NTM: variants seen among roughly 807,000 people sequenced by gnomAD.
The protein encoded by NTM is IgLON family member 2.
A neutral mutation model predicts 42.1 loss-of-function variants in NTM; 13 were observed. The observed-to-expected ratio is 0.31, with a 90% CI of 0.20 to 0.49. The LOEUF is 0.49. NTM is among the 20% of genes least tolerant of loss of function. The pLI is 0.99. For synonymous variants in NTM, 187 were observed against 179.2 expected (o/e 1.04, Z -0.35); for missense variants, 373 against 452.8 (o/e 0.82, Z 1.60).
chr11:131,410,517 C>CAAAAAAAAAAAAAAA (rs1161389222), intron 1 of NTM, among the ~76,000 whole-genome samples: 3 of 32,768 alleles, frequency 9.2e-5, no homozygotes, highest in African/African-American at 1.4e-4. Context: ...AAACAATAAC[C>CAAAAAAAAAAAAAAA]AAAAAAAAAA....
intron 1 of NTM, among the ~76,000 whole-genome samples, chr11:131,784,422 TGAAAA>T (rs2088755493): frequency 6.6e-6 from 1 of 152,206 alleles, no homozygotes; most frequent in South Asian, 2.1e-4. Context: ...TAATGAGTAA[TGAAAA>T]GAAACTTTGA....
At chr11:131,911,789 G>A (rs2055089818) in intron 2 of NTM, 141 bp downstream of exon 2, 4 of 1,052,654 alleles carry the variant, frequency 3.8e-6, no homozygotes, top group East Asian at 2.5e-5. Flanking sequence ...TTATGGCTGC[G>A]CTGGGGGCTC....
At chr11:131,501,491 C>T (rs112238935) in intron 1 of NTM, among the ~76,000 whole-genome samples, 1,732 of 152,206 alleles carry the variant, frequency 0.011, 35 homozygotes, top group African/African-American at 0.039. Context: ...GGAGATGATG[C>T]TTAGAGACCT....
At chr11:132,266,129 A>G (rs916104069) in intron 4 of NTM, among the ~76,000 whole-genome samples, 6 of 152,316 alleles carry the variant, frequency 3.9e-5, no homozygotes, top group Middle Eastern at 3.4e-3. Flanking sequence ...TGCCTGGTCT[A>G]TGGGATGGCT....
chr11:132,106,338 T>C (rs956126024), intron 2 of NTM, among the ~76,000 whole-genome samples: 5 of 152,226 alleles, frequency 3.3e-5, no homozygotes, highest in East Asian at 1.9e-4. Flanking sequence ...ATGGAAGTCA[T>C]TGGAGAGTTT....
chr11:131,715,262 T>C (rs1004801905), intron 1 of NTM, among the ~76,000 whole-genome samples: 1 of 152,176 alleles, frequency 6.6e-6, no homozygotes, highest in Non-Finnish European at 1.5e-5. Context: ...TATTCCTATT[T>C]ATAGCAAGAT....
chr11:132,043,985 TG>T (rs2077552173), intron 2 of NTM, among the ~76,000 whole-genome samples: 1 of 148,396 alleles, frequency 6.7e-6, no homozygotes, highest in African/African-American at 2.5e-5. Context: ...TGTGTGTGTG[TG>T]TGTGTGTATG....
chr11:132,182,539 C>T (rs1416851965), intron 3 of NTM, among the ~76,000 whole-genome samples: 2 of 152,094 alleles, frequency 1.3e-5, no homozygotes, highest in Admixed American at 1.3e-4. Flanking sequence ...TTGTGTATGC[C>T]CACAAGCAAT....
chr11:132,289,429 A>G (rs1309495829), intron 4 of NTM, among the ~76,000 whole-genome samples: 1 of 152,136 alleles, frequency 6.6e-6, no homozygotes, highest in Non-Finnish European at 1.5e-5. Flanking sequence ...CTGGGACTTT[A>G]TACATTGCTA....
At position 131,476,869 on chromosome 11, in the gene NTM, A is replaced by G. The variant is rs74354332; in HGVS notation, c.82+105981A>G. ...ATTTAAAGTTTATTTTTGTCTTATG[A>G]TGACGTCCAGCCTTCACCACCATAC... On this transcript the variant is annotated intron_variant, in intron 1 of 8. Coordinates refer to ENST00000683400, the MANE Select transcript of NTM (RefSeq NM_001352005.2). Among the ~76,000 whole-genome samples, 61 of 148,368 alleles carry G rather than the reference A, an allele frequency of 4.1e-4. No individual in the cohort carries two copies. The East Asian group carries it at 0.011, about 28-fold the overall frequency.
chr11:131,419,969 G>T (rs1947332771), intron 1 of NTM, among the ~76,000 whole-genome samples: 1 of 152,158 alleles, frequency 6.6e-6, no homozygotes, highest in Middle Eastern at 3.2e-3. Context: ...TCATCAACCT[G>T]CCCCTTCCTT....
intron 2 of NTM, among the ~76,000 whole-genome samples, chr11:132,081,988 G>C (rs1403000239): frequency 6.8e-6 from 1 of 147,566 alleles, no homozygotes; most frequent in East Asian, 2.0e-4. Flanking sequence ...TGCAATTGCT[G>C]GCACAGAGAA....
intron 2 of NTM, among the ~76,000 whole-genome samples, chr11:132,049,664 A>G (rs752698295): frequency 1.3e-5 from 2 of 152,304 alleles, no homozygotes; most frequent in East Asian, 1.9e-4. Context: ...GCCTATCTCA[A>G]TGGCAGCGTG....
chr11:132,185,230 T>C (rs552423091), intron 3 of NTM, among the ~76,000 whole-genome samples: 2 of 152,216 alleles, frequency 1.3e-5, no homozygotes, highest in East Asian at 3.9e-4. Context: ...TGTGTGCACA[T>C]GTACATACAT....
At chr11:132,237,371 C>G (rs560608174) in intron 4 of NTM, among the ~76,000 whole-genome samples, 24 of 152,254 alleles carry the variant, frequency 1.6e-4, no homozygotes, top group African/African-American at 5.5e-4. Context: ...TTTGGGATCT[C>G]GGTACGTCAC....
chr11:132,067,435 C>T (rs1170125621), intron 2 of NTM, among the ~76,000 whole-genome samples: 1 of 152,238 alleles, frequency 6.6e-6, no homozygotes, highest in African/African-American at 2.4e-5. Context: ...AAGTCCCAAA[C>T]TCAGCATCTA....
chr11:131,501,359 C>A (rs561225468), intron 1 of NTM, among the ~76,000 whole-genome samples: 1 of 152,024 alleles, frequency 6.6e-6, no homozygotes, highest in Non-Finnish European at 1.5e-5. Context: ...GAGTTTGGGG[C>A]AGATGAAAAG....
chr11:132,022,305 G>A (rs960018220), intron 2 of NTM, among the ~76,000 whole-genome samples: 4 of 152,180 alleles, frequency 2.6e-5, no homozygotes, highest in Non-Finnish European at 4.4e-5. Context: ...AATTTTGCTC[G>A]ACTTTATGCT....
At chr11:132,333,361 A>C (rs2095836230) in intron 8 of NTM, among the ~76,000 whole-genome samples, 1 of 152,088 alleles carries the variant, frequency 6.6e-6, no homozygotes, top group Admixed American at 6.5e-5. Flanking sequence ...TCACCCTTGA[A>C]GGCATCCGGC....
Sources: gnomAD v4.1 joint callset for allele counts (sites outside exome capture counted in the v4.1 genomes callset) on GRCh38, gnomAD v4.1.1 for gene constraint, MANE v1.5 for transcripts, NCBI Gene and HGNC (gene_info 2026-07-23, HGNC 2026-07-21) for gene names.